The following PCYOX1 variants were observed in gnomAD, a reference collection of about 807,000 sequenced individuals.
PCYOX1 encodes the protein prenylcysteine oxidase 1.
In PCYOX1, 46 loss-of-function variants were observed where a neutral mutation model predicts 46.4. That is an observed-to-expected ratio of 0.99 (90% CI 0.78 to 1.27). The LOEUF (loss-of-function observed/expected upper bound fraction) is 1.27. PCYOX1 is among the 50% of genes most tolerant of loss of function. The pLI is 0.00. For missense variants in PCYOX1, 658 were observed against 628.3 expected (o/e 1.05, Z -0.51); for synonymous variants, 220 against 231.8 (o/e 0.95, Z 0.46).
chr2:70,265,228 A>G (rs751317378), intron 3 of PCYOX1, among the ~76,000 whole-genome samples: 103 of 140,102 alleles, frequency 7.4e-4, no homozygotes, highest in Non-Finnish European at 1.3e-3. Flanking sequence ...TTTGAGACCA[A>G]GTCTTGCTCC....
At position 70,258,153 on chromosome 2, in the gene PCYOX1, C is replaced by G. The variant is rs770212290; in HGVS notation, c.-12C>G. The G allele has an allele frequency of 5.0e-6, 8 of 1,585,230 alleles. No homozygotes were observed. The South Asian group carries it at 6.7e-5, about 13-fold the overall frequency. ...GGGGCTCTTGAGGCCAGCTGCAGAG[C>G]TTGTGGAGGCCATGGGGCGCGTCGT... On this transcript the variant is annotated 5_prime_UTR_variant, in exon 1 of 6. Transcript: ENST00000433351.
At position 70,262,934 on chromosome 2, in the gene PCYOX1, C is replaced by T. The variant is rs192103915; in HGVS notation, c.494+1548C>T. Among the ~76,000 whole-genome samples the T allele has an allele frequency of 9.9e-4, 150 of 151,992 alleles. 1 individual carries two copies. Among genetic ancestry groups the T allele is most frequent in the Admixed American group, 2.1e-3 (32 of 15,278 alleles). On this transcript the variant is annotated intron_variant, in intron 3 of 5. Coordinates refer to ENST00000433351, the MANE Select transcript of PCYOX1 (RefSeq NM_016297.4). ...TCATATGACCAGGTATTGAACAGGACAAATATGAGTTAAGCAGGGCTGGGC... is the reference window on the plus strand; with the variant it reads ...TCATATGACCAGGTATTGAACAGGATAAATATGAGTTAAGCAGGGCTGGGC...
chr2:70,273,252 T>C (rs966018773), intron 3 of PCYOX1, among the ~76,000 whole-genome samples: 1 of 152,198 alleles, frequency 6.6e-6, no homozygotes, highest in Admixed American at 6.5e-5. Flanking sequence ...ATATGAGATA[T>C]CCAGGCTATT....
intron 3 of PCYOX1, among the ~76,000 whole-genome samples, chr2:70,268,958 C>G (rs977092260): frequency 6.6e-6 from 1 of 152,010 alleles, no homozygotes; most frequent in African/African-American, 2.4e-5. Context: ...AGAAATAAAA[C>G]TTTTTTTGTT....
chr2:70,262,052 G>A (rs542291833), intron 3 of PCYOX1, among the ~76,000 whole-genome samples: 4 of 152,134 alleles, frequency 2.6e-5, no homozygotes, highest in Admixed American at 1.3e-4. Flanking sequence ...TTTTTAATGC[G>A]TGTGAATATG....
Position 70,261,302 on chromosome 2 carries a change from A to G in PCYOX1, c.410A>G (p.Asn137Ser), listed in dbSNP as rs1696432982. ...GAGGAGAGCAACTGGTTCATAATTA[A>G]CGTGATTAAATTAGTTTGGCGCTAT... is the stretch of plus-strand genomic sequence containing the variant. ...VFEESNWFII[N>S]VIKLVWRYGF... The change falls in exon 3 of 6, where the codon AAC becomes AGC. Residue 137 changes from asparagine to serine, a missense_variant. Transcript: ENST00000433351. The G allele has an allele frequency of 6.2e-7, 1 of 1,610,708 alleles. No homozygotes were observed. The highest frequency in any genetic ancestry group is 1.1e-5 in the South Asian group (1 of 91,012).
At chr2:70,259,051 G>C (rs1696390079) in intron 1 of PCYOX1, among the ~76,000 whole-genome samples, 1 of 152,208 alleles carries the variant, frequency 6.6e-6, no homozygotes, top group Non-Finnish European at 1.5e-5. Context: ...ATGTGCCCGT[G>C]AGTTGGGCAT....
At chr2:70,276,099 A>T (rs1459388555) in intron 5 of PCYOX1, among the ~76,000 whole-genome samples, 1 of 28,526 alleles carries the variant, frequency 3.5e-5, no homozygotes, top group African/African-American at 5.7e-5. Context: ...GACTCCATCT[A>T]AAAAAAAAAA....
At chr2:70,273,178 T>C (rs1361338903) in intron 3 of PCYOX1, among the ~76,000 whole-genome samples, 1 of 152,162 alleles carries the variant, frequency 6.6e-6, no homozygotes, top group East Asian at 1.9e-4. Flanking sequence ...GCATCATTAG[T>C]AGCTTATTTA....
chr2:70,263,460 A>G (rs1471845907), intron 3 of PCYOX1, among the ~76,000 whole-genome samples: 1 of 152,170 alleles, frequency 6.6e-6, no homozygotes, highest in African/African-American at 2.4e-5. Flanking sequence ...TTGAGAGTAT[A>G]GGACCTACAA....
At chr2:70,270,126 C>G (rs1337372555) in intron 3 of PCYOX1, among the ~76,000 whole-genome samples, 1 of 152,074 alleles carries the variant, frequency 6.6e-6, no homozygotes, top group Admixed American at 6.5e-5. Context: ...TCCTGAATAG[C>G]TGGGATTACA....
At chr2:70,265,198 ATTTTTTTT>A (rs397871875) in intron 3 of PCYOX1, among the ~76,000 whole-genome samples, 8 of 104,108 alleles carry the variant, frequency 7.7e-5, no homozygotes, top group African/African-American at 2.5e-4. Context: ...TTCTTAACTA[ATTTTTTTT>A]TTTTTTTTTT....
intron 3 of PCYOX1, among the ~76,000 whole-genome samples, chr2:70,264,102 C>T (rs1481668904): frequency 1.3e-5 from 2 of 151,188 alleles, no homozygotes; most frequent in East Asian, 2.0e-4. Context: ...GCTGGGACTA[C>T]AGGCACGTGC....
chr2:70,261,411 C>T (rs771787286), intron 3 of PCYOX1, 25 bp downstream of exon 3: 39 of 1,489,396 alleles, frequency 2.6e-5, no homozygotes, highest in Non-Finnish European at 3.4e-5. Context: ...TTCCATTTAA[C>T]CTAAGATCTT....
chr2:70,277,642 T>C lies in PCYOX1; in HGVS notation c.*250T>C, dbSNP rs1044570568. The C allele has an allele frequency of 1.1e-5, 4 of 373,424 alleles. No homozygotes were observed. In the Admixed American group the frequency reaches 1.7e-4, roughly 16 times the overall value. 23.1% of individuals were successfully genotyped at this position (373,424 alleles called of 1,614,324 possible). On this transcript the variant is annotated 3_prime_UTR_variant, in exon 6 of 6. Transcript: ENST00000433351. ...CCATTAGGAGTTTTTCTTAAACTTG[T>C]CTGATAATAAGAATCACCTGGAGTT...
Position 70,279,890 on chromosome 2 carries a change from G to GCCAA in PCYOX1, c.*2500_*2503dup, listed in dbSNP as rs1274643932. The GCCAA allele has an allele frequency of 1.3e-5, 2 of 152,152 alleles. No homozygotes were observed. Among genetic ancestry groups the GCCAA allele is most frequent in the Non-Finnish European group, 2.9e-5 (2 of 68,064 alleles). 9.4% of individuals were successfully genotyped at this position (152,152 alleles called of 1,614,324 possible). On this transcript the variant is annotated 3_prime_UTR_variant, in exon 6 of 6. Coordinates refer to ENST00000433351, the MANE Select transcript of PCYOX1 (RefSeq NM_016297.4). Reference sequence around the variant, plus strand: ...AGGTCGGGAGTTTGAGACCAGCCTGGCCAACATGGTGAAACCCTGTCTTTA... The same window carrying GCCAA: ...AGGTCGGGAGTTTGAGACCAGCCTGGCCAACCAACATGGTGAAACCCTGTCTTTA...
intron 3 of PCYOX1, among the ~76,000 whole-genome samples, chr2:70,268,659 C>T (rs894016131): frequency 4.0e-5 from 6 of 151,736 alleles, no homozygotes; most frequent in African/African-American, 7.3e-5. Context: ...ATTAGCTGGG[C>T]GTGGTGGTGC....
upstream of PCYOX1, chr2:70,258,010 G>C: frequency 1.9e-6 from 1 of 519,454 alleles, no homozygotes; most frequent in Non-Finnish European, 3.2e-6. Flanking sequence ...GGGTTGAGAG[G>C]ACCGGCGGGG....
rs1439581806 is a variant in PCYOX1, at chr2:70,259,373, C to T, written c.126C>T (p.Ala42=). ...TTTCCCTCATAGCGATTATTGGAGC[C>T]GGAATTGGTGGCACTTCAGCAGCCT... The part of the protein sequence containing the change: ...APPDKIAIIG[A]GIGGTSAAYY... The change falls in exon 2 of 6, where the codon GCC becomes GCT. Residue 42 remains alanine, a synonymous_variant. Coordinates refer to ENST00000433351, the MANE Select transcript of PCYOX1 (RefSeq NM_016297.4). The T allele has an allele frequency of 2.5e-6, 4 of 1,613,628 alleles. No homozygotes were observed. Among genetic ancestry groups the T allele is most frequent in the Middle Eastern group, 1.7e-4 (1 of 6,008 alleles).
Sources: allele counts gnomAD v4.1 joint callset (sites outside exome capture counted in the v4.1 genomes callset), GRCh38; gene constraint gnomAD v4.1.1; transcripts MANE v1.5; gene names NCBI Gene and HGNC (gene_info 2026-07-23, HGNC 2026-07-21).